Variants in ERBB4 observed in about 807,000 individuals in gnomAD.
The protein encoded by ERBB4 is erb-b2 receptor tyrosine kinase 4.
Under a neutral mutation model 158.0 loss-of-function variants are expected in ERBB4, and 42 were observed. The ratio of observed to expected loss-of-function variants is 0.27; its 90% CI spans 0.21 to 0.34. ERBB4 has a LOEUF of 0.34. Ranked by LOEUF, ERBB4 falls within the 10% of genes least tolerant of loss-of-function variation. ERBB4 has a pLI of 1.00. For synonymous variants in ERBB4, 583 were observed against 558.7 expected, an observed-to-expected ratio of 1.04 and a Z score of -0.61; for missense variants, 1,333 against 1,624.1, an observed-to-expected ratio of 0.82 and a Z score of 3.08.
rs532620473 is a variant in ERBB4, at chr2:211,702,001, T to G, written c.1455A>C (p.Ile485=). The change falls in exon 12 of 28, where the codon ATA becomes ATC. Residue 485 remains isoleucine, a synonymous_variant. Transcript: ENST00000342788. ...TTLFSTINQR[I]VIRDNRKAEN... is the part of the protein sequence containing the mutation. The stretch of plus-strand genomic sequence containing the variant: ...CAGCTTTTCTGTTGTCCCGGATTAC[T>G]ATTCTCTGGTTGATTGTGCTGAAGA... 1.1e-5 allele frequency: 17 copies of G among 1,614,024 alleles called. No individual in the cohort carries two copies. The highest frequency in any genetic ancestry group is 1.6e-4 in the Middle Eastern group (1 of 6,062).
intron 3 of ERBB4, among the ~76,000 whole-genome samples, chr2:211,792,560 AATAATG>A (rs1238459112): frequency 6.6e-6 from 1 of 151,794 alleles, no homozygotes; most frequent in South Asian, 2.1e-4. Flanking sequence ...TTACCAGGTA[AATAATG>A]ACGATCTTTA....
intron 12 of ERBB4, among the ~76,000 whole-genome samples, chr2:211,695,219 T>A (rs967706611): frequency 6.6e-6 from 1 of 152,190 alleles, no homozygotes; most frequent in African/African-American, 2.4e-5. Flanking sequence ...GGACTCACTA[T>A]AAAGTTGGAT....
At chr2:211,391,454 G>C (rs1033100138) in intron 25 of ERBB4, among the ~76,000 whole-genome samples, 1 of 152,180 alleles carries the variant, frequency 6.6e-6, no homozygotes, top group Non-Finnish European at 1.5e-5. Context: ...CAATTAGCTG[G>C]TGAGGCGATT....
rs560707297 is a variant in ERBB4, at chr2:212,052,919, C to T, written c.234+71833G>A. Among the ~76,000 whole-genome samples the T allele has an allele frequency of 3.0e-4, 45 of 152,322 alleles. 1 individual carries two copies. In the South Asian group the frequency reaches 9.3e-3, roughly 32 times the overall value. ...ATTTGACATCACCCGAATAAAAAAGCTTTCTTTCCTGACAATACTTGTTGT... is the reference window on the plus strand; with the variant it reads ...ATTTGACATCACCCGAATAAAAAAGTTTTCTTTCCTGACAATACTTGTTGT... On this transcript the variant is annotated intron_variant, in intron 2 of 27. Coordinates refer to ENST00000342788, the MANE Select transcript of ERBB4 (RefSeq NM_005235.3).
intron 2 of ERBB4, among the ~76,000 whole-genome samples, chr2:212,007,520 G>A (rs1371296193): frequency 6.6e-6 from 1 of 151,712 alleles, no homozygotes; most frequent in Non-Finnish European, 1.5e-5. Context: ...AATCAATAAA[G>A]AGAATACTCA....
intron 2 of ERBB4, among the ~76,000 whole-genome samples, chr2:212,104,738 A>T (rs1169594179): frequency 5.3e-5 from 8 of 152,108 alleles, no homozygotes; most frequent in African/African-American, 1.9e-4. Context: ...ACAACTTCAC[A>T]TTCTTTATGA....
At chr2:212,123,223 G>A (rs996441392) in intron 2 of ERBB4, among the ~76,000 whole-genome samples, 1 of 152,068 alleles carries the variant, frequency 6.6e-6, no homozygotes, top group Non-Finnish European at 1.5e-5. Context: ...CTAACACAGT[G>A]AAACTCCTGT....
intron 20 of ERBB4, among the ~76,000 whole-genome samples, chr2:211,489,474 A>G (rs1435894400): frequency 6.6e-6 from 1 of 152,028 alleles, no homozygotes; most frequent in Non-Finnish European, 1.5e-5. Flanking sequence ...AAAACTTTGA[A>G]CAATACTAAA....
At chr2:212,322,206 G>A (rs935820165) in intron 1 of ERBB4, among the ~76,000 whole-genome samples, 8 of 150,374 alleles carry the variant, frequency 5.3e-5, no homozygotes, top group Non-Finnish European at 1.2e-4. Flanking sequence ...AACTGGCTTA[G>A]GAGAAGACAG....
chr2:212,371,525 T>TA (rs1473143856), intron 1 of ERBB4, among the ~76,000 whole-genome samples: 1 of 152,222 alleles, frequency 6.6e-6, no homozygotes, highest in African/African-American at 2.4e-5. Context: ...TACTGTCTTT[T>TA]AAAATCCAAT....
intron 1 of ERBB4, among the ~76,000 whole-genome samples, chr2:212,307,645 A>G (rs889646905): frequency 1.3e-5 from 2 of 151,160 alleles, no homozygotes; most frequent in African/African-American, 4.8e-5. Context: ...AACATTTAGT[A>G]TGTTTCTAGG....
chr2:211,864,568 A>G (rs1353684900), intron 3 of ERBB4, among the ~76,000 whole-genome samples: 1 of 152,234 alleles, frequency 6.6e-6, no homozygotes, highest in Admixed American at 6.5e-5. Flanking sequence ...CGAACATAAA[A>G]TAGCAATCCT....
intron 4 of ERBB4, among the ~76,000 whole-genome samples, chr2:211,754,819 GCC>G (rs1382532069): frequency 6.6e-6 from 1 of 151,846 alleles, no homozygotes; most frequent in East Asian, 1.9e-4. Flanking sequence ...TCCTGCCTTA[GCC>G]TCCCAGCTAG....
chr2:211,390,469 G>T (rs2062777702), intron 25 of ERBB4, among the ~76,000 whole-genome samples: 1 of 152,174 alleles, frequency 6.6e-6, no homozygotes, highest in Admixed American at 6.5e-5. Context: ...GGTAATGTTT[G>T]ACTAGAATTA....
At chr2:211,994,786 C>T (rs2082160199) in intron 2 of ERBB4, among the ~76,000 whole-genome samples, 1 of 152,092 alleles carries the variant, frequency 6.6e-6, no homozygotes, top group African/African-American at 2.4e-5. Flanking sequence ...AAAGAATTTA[C>T]CTGAGAGAGC....
At chr2:212,199,219 T>G (rs576991694) in intron 1 of ERBB4, among the ~76,000 whole-genome samples, 1 of 152,302 alleles carries the variant, frequency 6.6e-6, no homozygotes, top group East Asian at 1.9e-4. Flanking sequence ...TTTACAACCA[T>G]TAACTCACTA....
At chr2:211,716,579 G>A (rs1381522208) in intron 7 of ERBB4, among the ~76,000 whole-genome samples, 7 of 151,954 alleles carry the variant, frequency 4.6e-5, no homozygotes, top group African/African-American at 7.3e-5. Context: ...GGGAGGCTGA[G>A]GCAGGAGAAT....
At chr2:211,807,806 A>G (rs2076655961) in intron 3 of ERBB4, among the ~76,000 whole-genome samples, 1 of 152,124 alleles carries the variant, frequency 6.6e-6, no homozygotes, top group South Asian at 2.1e-4. Context: ...TGACTTTTTA[A>G]TGATCTCCAT....
At chr2:211,919,744 T>A (rs1678533391) in intron 3 of ERBB4, among the ~76,000 whole-genome samples, 1 of 151,986 alleles carries the variant, frequency 6.6e-6, no homozygotes, top group Admixed American at 6.6e-5. Flanking sequence ...TTAGAAGTTG[T>A]TTATGCATGG....
Sources: allele counts gnomAD v4.1 joint callset (sites outside exome capture counted in the v4.1 genomes callset), GRCh38; gene constraint gnomAD v4.1.1; transcripts MANE v1.5; gene names NCBI Gene and HGNC (gene_info 2026-07-23, HGNC 2026-07-21).